The following RERE variants were observed in gnomAD, a reference collection of about 807,000 sequenced individuals.
RERE encodes the protein arginine-glutamic acid dipeptide repeats, also known as arginine-glutamic acid dipeptide repeats protein.
A neutral mutation model predicts 146.1 loss-of-function variants in RERE; 40 were observed. The observed-to-expected ratio is 0.27, with a 90% CI of 0.21 to 0.36. The LOEUF is 0.36. Among genes scored for constraint, RERE ranks in the 10% least tolerant of loss-of-function variants. The probability of loss-of-function intolerance (pLI) is 1.00; values close to 1 mark genes in which losing one functional copy is unlikely to be tolerated. For missense variants in RERE, 1,933 were observed against 2,138.7 expected (o/e 0.90, Z 1.90); for synonymous variants, 1,003 against 866.0 (o/e 1.16, Z -2.78).
chr1:8,382,362 G>C (rs1162678802), intron 12 of RERE, among the ~76,000 whole-genome samples: 1 of 152,240 alleles, frequency 6.6e-6, no homozygotes, highest in Non-Finnish European at 1.5e-5. Flanking sequence ...ATTTCTTCAG[G>C]ACCAGGTGGC....
intron 1 of RERE, among the ~76,000 whole-genome samples, chr1:8,672,229 C>T (rs1282048357): frequency 1.3e-5 from 2 of 152,104 alleles, no homozygotes; most frequent in Non-Finnish European, 1.5e-5. Context: ...GCTGCGATGC[C>T]AAGGCATGAT....
intron 11 of RERE, among the ~76,000 whole-genome samples, chr1:8,457,780 T>C (rs549983354): frequency 6.6e-6 from 1 of 152,198 alleles, no homozygotes; most frequent in South Asian, 2.1e-4. Flanking sequence ...TTTGTATTTT[T>C]AGTAGAGACG....
chr1:8,385,264 G>A (rs1392422239), intron 12 of RERE, among the ~76,000 whole-genome samples: 1 of 152,212 alleles, frequency 6.6e-6, no homozygotes, highest in African/African-American at 2.4e-5. Context: ...CCATCACAGT[G>A]TAACAAATAA....
At chr1:8,610,573 C>T (rs543772749) in intron 4 of RERE, among the ~76,000 whole-genome samples, 3 of 151,688 alleles carry the variant, frequency 2.0e-5, no homozygotes, top group East Asian at 3.9e-4. Context: ...TTGCTCTGGG[C>T]GACAGAGCAA....
intron 12 of RERE, among the ~76,000 whole-genome samples, chr1:8,416,483 G>A (rs1171264840): frequency 6.6e-6 from 1 of 151,778 alleles, no homozygotes; most frequent in African/African-American, 2.4e-5. Context: ...CTACTCGGGA[G>A]GCTGAGGCAG....
intron 6 of RERE, among the ~76,000 whole-genome samples, chr1:8,552,135 C>T (rs1272253136): frequency 1.3e-5 from 2 of 152,196 alleles, no homozygotes; most frequent in Non-Finnish European, 2.9e-5. Context: ...TAGGAAGAAA[C>T]TCTGGTAGGA....
At chr1:8,501,614 G>A (rs1282424214) in intron 8 of RERE, among the ~76,000 whole-genome samples, 2 of 134,896 alleles carry the variant, frequency 1.5e-5, no homozygotes, top group African/African-American at 5.6e-5. Context: ...CGGGAGGGAG[G>A]TGGGGGGTCA....
intron 1 of RERE, among the ~76,000 whole-genome samples, chr1:8,672,129 T>C (rs528739350): frequency 6.6e-6 from 1 of 152,056 alleles, no homozygotes; most frequent in Non-Finnish European, 1.5e-5. Context: ...AAATAAATAA[T>C]AATTTTTAAA....
chr1:8,736,088 T>C (rs1640190662), intron 1 of RERE, among the ~76,000 whole-genome samples: 1 of 152,234 alleles, frequency 6.6e-6, no homozygotes, highest in African/African-American at 2.4e-5. Context: ...ATGTATACGC[T>C]ATAGCAAATA....
chr1:8,640,362 C>T (rs565623187), intron 2 of RERE, among the ~76,000 whole-genome samples: 24 of 152,186 alleles, frequency 1.6e-4, no homozygotes, highest in African/African-American at 5.3e-4. Context: ...ATCTGTCCAA[C>T]ACAAAGAAAG....
At chr1:8,512,103 G>A (rs1268658233) in intron 7 of RERE, among the ~76,000 whole-genome samples, 3 of 128,206 alleles carry the variant, frequency 2.3e-5, no homozygotes, top group Non-Finnish European at 3.2e-5. Flanking sequence ...GCGCAATCTC[G>A]GCTCACTGCA....
intron 1 of RERE, among the ~76,000 whole-genome samples, chr1:8,768,667 T>G (rs1006753643): frequency 1.3e-5 from 2 of 152,162 alleles, no homozygotes; most frequent in African/African-American, 4.8e-5. Flanking sequence ...ATGAAGAAAT[T>G]TACAGGCCAG....
chr1:8,802,672 T>G (rs1263620239), intron 1 of RERE, among the ~76,000 whole-genome samples: 1 of 152,212 alleles, frequency 6.6e-6, no homozygotes, highest in Non-Finnish European at 1.5e-5. Flanking sequence ...AGTACTCAGT[T>G]GTGTACATGT....
At chr1:8,620,317 C>T (rs1029582644) in intron 3 of RERE, among the ~76,000 whole-genome samples, 7 of 152,296 alleles carry the variant, frequency 4.6e-5, no homozygotes, top group South Asian at 2.1e-4. Context: ...AAGGAAGAGA[C>T]GGCTGTGCAC....
At chr1:8,636,907 C>T (rs944895758) in intron 2 of RERE, among the ~76,000 whole-genome samples, 3 of 152,138 alleles carry the variant, frequency 2.0e-5, no homozygotes, top group African/African-American at 7.2e-5. Flanking sequence ...AGCCGAGAAT[C>T]CACACCTCCT....
chr1:8,515,814 T>C (rs1645407078), intron 7 of RERE, among the ~76,000 whole-genome samples: 1 of 152,142 alleles, frequency 6.6e-6, no homozygotes, highest in African/African-American at 2.4e-5. Flanking sequence ...TAAAGGATAC[T>C]ACTGTATGAA....
chr1:8,618,628 C>T (rs1296228410), intron 3 of RERE, among the ~76,000 whole-genome samples: 1 of 152,172 alleles, frequency 6.6e-6, no homozygotes, highest in Non-Finnish European at 1.5e-5. Flanking sequence ...CAAGCTGGGA[C>T]TAAAGAAATG....
At chr1:8,602,036 TTCTC>T (rs1646637936) in intron 4 of RERE, among the ~76,000 whole-genome samples, 1 of 152,148 alleles carries the variant, frequency 6.6e-6, no homozygotes, top group African/African-American at 2.4e-5. Context: ...CACAGTACCC[TTCTC>T]TCTAATAAAA....
At chr1:8,465,473 GC>G (rs1445716021) in intron 11 of RERE, 1 of 338,270 alleles carries the variant, frequency 3.0e-6, no homozygotes, top group African/African-American at 2.2e-5. Context: ...GACTGATGGA[GC>G]CCAGGAGTTC....
Sources: allele counts gnomAD v4.1 joint callset (sites outside exome capture counted in the v4.1 genomes callset), GRCh38; gene constraint gnomAD v4.1.1; transcripts MANE v1.5; gene names NCBI Gene and HGNC (gene_info 2026-07-23, HGNC 2026-07-21).